The following SDC2 variants were observed in gnomAD, a reference collection of about 807,000 sequenced individuals.
SDC2 encodes syndecan 2.
A neutral mutation model predicts 22.2 loss-of-function variants in SDC2; 13 were observed. The observed-to-expected ratio is 0.59, with a 90% CI of 0.38 to 0.93. The LOEUF is 0.93. SDC2 is among the 40% of genes least tolerant of loss of function. The pLI, the probability that SDC2 is intolerant of heterozygous loss-of-function variation, is 0.00. For missense variants in SDC2, 235 were observed against 246.8 expected, an observed-to-expected ratio of 0.95 and a Z score of 0.32; for synonymous variants, 94 against 92.8, an observed-to-expected ratio of 1.01 and a Z score of -0.07.
intron 3 of SDC2, among the ~76,000 whole-genome samples, chr8:96,605,936 T>C (rs1407682450): frequency 6.6e-6 from 1 of 152,154 alleles, no homozygotes. Context: ...GTGTGAGGTC[T>C]TTTCTTCTTA....
intron 2 of SDC2, among the ~76,000 whole-genome samples, chr8:96,596,119 C>A (rs563589064): frequency 6.6e-6 from 1 of 152,140 alleles, no homozygotes; most frequent in Non-Finnish European, 1.5e-5. Context: ...ATGATTCCCA[C>A]GAGAAAACCT....
chr8:96,571,259 G>A (rs1462554080), intron 1 of SDC2, among the ~76,000 whole-genome samples: 1 of 152,120 alleles, frequency 6.6e-6, no homozygotes, highest in Non-Finnish European at 1.5e-5. Context: ...TATGAAATGA[G>A]AGGGAACTGA....
At chr8:96,499,509 T>G (rs1239715840) in intron 1 of SDC2, among the ~76,000 whole-genome samples, 1 of 152,220 alleles carries the variant, frequency 6.6e-6, no homozygotes, top group Non-Finnish European at 1.5e-5. Context: ...GTAGCTGGGC[T>G]TAGAATACAA....
In SDC2 at chr8:96,580,522, C is replaced by T. The variant is rs570263016; in HGVS notation, c.61-12958C>T. Reference sequence around the variant, plus strand: ...TCATGACTACAGACTCATCTTATACCAATTAAATAATAAACTCCACTCTGT... The same window carrying T: ...TCATGACTACAGACTCATCTTATACTAATTAAATAATAAACTCCACTCTGT... On this transcript the variant is annotated intron_variant, in intron 1 of 4. Transcript: ENST00000302190. 2,957 of 985,188 alleles carry T rather than the reference C, an allele frequency of 3.0e-3. 5 individuals are homozygous for T. The highest frequency in any genetic ancestry group is 3.4e-3 in the Non-Finnish European group (2,822 of 829,756). The allele number at this position is 985,188 out of a possible 1,614,324, so 61.0% of individuals were successfully genotyped here.
chr8:96,532,922 C>CTTAAG (rs1296217598), intron 1 of SDC2, among the ~76,000 whole-genome samples: 7 of 152,106 alleles, frequency 4.6e-5, no homozygotes, highest in Non-Finnish European at 8.8e-5. Flanking sequence ...GATTTTTTTT[C>CTTAAG]TTAAGTACAT....
At chr8:96,567,375 A>G (rs1814317424) in intron 1 of SDC2, among the ~76,000 whole-genome samples, 1 of 152,218 alleles carries the variant, frequency 6.6e-6, no homozygotes, top group East Asian at 1.9e-4. Context: ...GAATTTCAAT[A>G]GCTTTAGGGA....
In SDC2 at chr8:96,532,412, G is replaced by GTTTTTTT. The variant is rs35452131; in HGVS notation, c.60+38098_60+38104dup. 6.1e-3 allele frequency among the ~76,000 whole-genome samples: 291 copies of GTTTTTTT among 47,914 alleles called. 35 individuals carry two copies. The highest frequency in any genetic ancestry group is 0.026 in the African/African-American group (252 of 9,544). 31.4% of individuals were successfully genotyped at this position (47,914 alleles called of 152,430 possible). ...CCTGAGTCTCTCTGCTTATTGAGGC[G>GTTTTTTT]TTTTTTTTTTTTTTTTTTTTTTTGG... On this transcript the variant is annotated intron_variant, in intron 1 of 4. Coordinates refer to ENST00000302190, the MANE Select transcript of SDC2 (RefSeq NM_002998.4).
intron 2 of SDC2, among the ~76,000 whole-genome samples, chr8:96,601,723 G>A (rs1233729430): frequency 6.6e-6 from 1 of 151,772 alleles, no homozygotes; most frequent in Non-Finnish European, 1.5e-5. Flanking sequence ...GTCAGCCATA[G>A]GAGAGTTTTC....
Position 96,593,602 on chromosome 8 carries a change from T to A in SDC2, c.172+11T>A. 2 of 1,556,482 alleles carry A rather than the reference T, an allele frequency of 1.3e-6. No individual in the cohort carries two copies. The highest frequency in any genetic ancestry group is 1.8e-6 in the Non-Finnish European group (2 of 1,127,860). The stretch of plus-strand genomic sequence containing the variant: ...CTGCGTCTGGCTCGGGTAAGGTGGC[T>A]GCTTCTAAACACTGGACCTCATTCT... On this transcript the variant is annotated intron_variant, in intron 2 of 4. Coordinates refer to ENST00000302190, the MANE Select transcript of SDC2 (RefSeq NM_002998.4).
In SDC2 at chr8:96,494,221, G is replaced by A. The variant is rs1813009956; in HGVS notation, c.-51G>A. 7 of 1,529,978 alleles carry A rather than the reference G, an allele frequency of 4.6e-6. No homozygotes were observed. Among genetic ancestry groups the A allele is most frequent in the Non-Finnish European group, 4.4e-6 (5 of 1,138,296 alleles). 94.8% of individuals were successfully genotyped at this position (1,529,978 alleles called of 1,614,324 possible). On this transcript the variant is annotated 5_prime_UTR_variant, in exon 1 of 5. Transcript: ENST00000302190. ...CGCCGAGCGCTGGGCAGGAGGCTTC[G>A]TTTTGCCCTGGTTGCAAGCAGCGGC...
At chr8:96,538,263 G>A (rs1268665456) in intron 1 of SDC2, among the ~76,000 whole-genome samples, 1 of 152,066 alleles carries the variant, frequency 6.6e-6, no homozygotes, top group Non-Finnish European at 1.5e-5. Context: ...CCCAGCCAAA[G>A]CTTGTGTTAT....
chr8:96,510,253 A>G (rs895143754), intron 1 of SDC2, among the ~76,000 whole-genome samples: 4 of 152,306 alleles, frequency 2.6e-5, no homozygotes, highest in South Asian at 4.1e-4. Context: ...TGTCTTAATA[A>G]TGGTCTTCTT....
intron 1 of SDC2, among the ~76,000 whole-genome samples, chr8:96,511,614 C>T (rs1407125478): frequency 6.6e-6 from 1 of 152,110 alleles, no homozygotes; most frequent in African/African-American, 2.4e-5. Context: ...GGGGGCAAGG[C>T]AAGGCTCCGA....
intron 1 of SDC2, among the ~76,000 whole-genome samples, chr8:96,592,869 G>A (rs758687743): frequency 3.9e-5 from 6 of 152,226 alleles, no homozygotes; most frequent in South Asian, 2.1e-4. Context: ...CCTCACGGGC[G>A]CTGCTCCTCT....
intron 2 of SDC2, among the ~76,000 whole-genome samples, chr8:96,595,076 ATACT>A (rs1335879851): frequency 6.6e-6 from 1 of 152,208 alleles, no homozygotes; most frequent in Non-Finnish European, 1.5e-5. Context: ...AGCTTTCCAC[ATACT>A]TAATTAATAG....
chr8:96,553,418 A>G lies in SDC2; in HGVS notation c.61-40062A>G, dbSNP rs1250711007. 2.0e-5 allele frequency among the ~76,000 whole-genome samples: 3 copies of G among 150,490 alleles called. No individual in the cohort carries two copies. In the East Asian group the frequency reaches 5.9e-4, roughly 30 times the overall value. ...AAGTATAAATGGCTCAGAAGTTAAT[A>G]CATTTTAAGATACATTTTCAGAAAA... On this transcript the variant is annotated intron_variant, in intron 1 of 4. Transcript: ENST00000302190.
At chr8:96,557,628 G>A (rs1814139105) in intron 1 of SDC2, among the ~76,000 whole-genome samples, 1 of 151,936 alleles carries the variant, frequency 6.6e-6, no homozygotes, top group South Asian at 2.1e-4. Context: ...ACTGTGGTGG[G>A]GTGGGGGGAG....
At chr8:96,579,503 T>C (rs1270656655) in intron 1 of SDC2, among the ~76,000 whole-genome samples, 1 of 152,238 alleles carries the variant, frequency 6.6e-6, no homozygotes, top group African/African-American at 2.4e-5. Flanking sequence ...TATTTGGAAG[T>C]TCAGTCAGGA....
chr8:96,560,860 C>T (rs551242451), intron 1 of SDC2, among the ~76,000 whole-genome samples: 2 of 152,274 alleles, frequency 1.3e-5, no homozygotes, highest in African/African-American at 4.8e-5. Flanking sequence ...AATCCCAACA[C>T]TTTGGGAGGC....
Sources: gnomAD v4.1 joint callset for allele counts (sites outside exome capture counted in the v4.1 genomes callset) on GRCh38, gnomAD v4.1.1 for gene constraint, MANE v1.5 for transcripts, NCBI Gene and HGNC (gene_info 2026-07-23, HGNC 2026-07-21) for gene names.